Variants in ITGA1 observed in about 807,000 individuals in gnomAD.
The protein encoded by ITGA1 is integrin subunit alpha 1, also known as integrin alpha-1.
Under a neutral mutation model 145.9 loss-of-function variants are expected in ITGA1, and 85 were observed. The ratio of observed to expected loss-of-function variants is 0.58; its 90% CI spans 0.49 to 0.70. ITGA1 has a LOEUF of 0.70. ITGA1 is among the 30% of genes least tolerant of loss of function. ITGA1 has a pLI of 0.00. For missense variants in ITGA1, 1,351 were observed against 1,418.7 expected (o/e 0.95, Z 0.77); for synonymous variants, 520 against 495.3 (o/e 1.05, Z -0.66).
intron 3 of ITGA1, among the ~76,000 whole-genome samples, chr5:52,862,533 T>C (rs1749623893): frequency 6.6e-6 from 1 of 152,208 alleles, no homozygotes; most frequent in African/African-American, 2.4e-5. Context: ...TTCAGAATTC[T>C]TTCTAATTCA....
intron 28 of ITGA1, among the ~76,000 whole-genome samples, chr5:52,951,131 C>T (rs976757079): frequency 6.6e-6 from 1 of 152,080 alleles, no homozygotes; most frequent in African/African-American, 2.4e-5. Context: ...GGTTTATCCC[C>T]TCTAAGCCCT....
intron 1 of ITGA1, among the ~76,000 whole-genome samples, chr5:52,791,737 C>T (rs1040703898): frequency 1.7e-5 from 1 of 60,282 alleles, no homozygotes; most frequent in African/African-American, 6.0e-5. Flanking sequence ...GTTCTTTTTT[C>T]ACTCCCTCAG....
chr5:52,887,818 G>C lies in ITGA1; in HGVS notation c.777G>C (p.Lys259Asn), dbSNP rs1750078271. The change falls in exon 8 of 29, where the codon AAG (lysine) becomes AAC (asparagine). Residue 259 changes from lysine (K) to asparagine (N), a missense_variant. Transcript: ENST00000282588. Reference sequence around the variant, plus strand: ...CTTTTGTTTGTGATTACTTTAGAAAGGAGGCATTCACGGAAGCCCGGGGTG... The same window carrying C: ...CTTTTGTTTGTGATTACTTTAGAAACGAGGCATTCACGGAAGCCCGGGGTG... ...MTALGIDTAR[K>N]EAFTEARGAR... is the part of the protein sequence containing the mutation. The C allele has an allele frequency of 6.2e-7, 1 of 1,611,128 alleles. No individual in the cohort carries two copies. The highest frequency in any genetic ancestry group is 8.5e-7 in the Non-Finnish European group (1 of 1,178,162).
intron 21 of ITGA1, among the ~76,000 whole-genome samples, chr5:52,930,778 A>T (rs907945283): frequency 6.6e-6 from 1 of 152,196 alleles, no homozygotes; most frequent in African/African-American, 2.4e-5. Context: ...TAAAGAATAC[A>T]TAAAGTAGCA....
Position 52,887,898 on chromosome 5 carries a change from A to G in ITGA1, c.857A>G (p.Asp286Gly), listed in dbSNP as rs774093459. 6.2e-7 allele frequency: 1 copy of G among 1,614,130 alleles called. No individual in the cohort carries two copies. The highest frequency in any genetic ancestry group is 8.5e-7 in the Non-Finnish European group (1 of 1,179,960). Residue 286 changes from aspartate (D) to glycine (G), a missense_variant, in exon 8 of 29, where the codon GAC becomes GGC. Transcript: ENST00000282588. Reference protein sequence around the residue: ...MVIVTDGESHDNHRLKKVIQD... With the variant: ...MVIVTDGESHGNHRLKKVIQD... The stretch of plus-strand genomic sequence containing the variant: ...ATTGTGACAGATGGAGAGTCTCATG[A>G]CAATCATCGACTGAAGAAGGTCATC...
chr5:52,844,348 C>T (rs1323164685), intron 1 of ITGA1, among the ~76,000 whole-genome samples: 1 of 152,196 alleles, frequency 6.6e-6, no homozygotes, highest in Non-Finnish European at 1.5e-5. Context: ...CCAAATTTGC[C>T]TCTCAGGAGA....
At chr5:52,858,466 G>A (rs543396463) in intron 2 of ITGA1, among the ~76,000 whole-genome samples, 1 of 152,226 alleles carries the variant, frequency 6.6e-6, no homozygotes, top group Admixed American at 6.5e-5. Context: ...TAAGTTATAA[G>A]CAAACTAAAA....
At chr5:52,900,915 T>A (rs190427067) in intron 11 of ITGA1, among the ~76,000 whole-genome samples, 87 of 152,220 alleles carry the variant, frequency 5.7e-4, no homozygotes, top group African/African-American at 1.9e-3. Context: ...TGTATTTTTT[T>A]ATTGTGTAAT....
intron 1 of ITGA1, among the ~76,000 whole-genome samples, chr5:52,798,852 G>A (rs1190417195): frequency 6.6e-6 from 1 of 152,144 alleles, no homozygotes; most frequent in Non-Finnish European, 1.5e-5. Flanking sequence ...GAATTTCCTT[G>A]TGGGCAAAAT....
At chr5:52,920,273 C>A (rs888522114) in intron 16 of ITGA1, 59 bp from the exon 17 acceptor site, 3 of 1,318,064 alleles carry the variant, frequency 2.3e-6, no homozygotes, top group African/African-American at 1.5e-5. Flanking sequence ...ATAATCTGTA[C>A]AATATGAGAA....
At chr5:52,807,311 C>T (rs773678278) in intron 1 of ITGA1, among the ~76,000 whole-genome samples, 33 of 149,572 alleles carry the variant, frequency 2.2e-4, no homozygotes, top group South Asian at 6.2e-4. Flanking sequence ...ACAAAAGTAA[C>T]TGTGTGCTTA....
chr5:52,937,518 A>T lies in ITGA1; in HGVS notation c.3078+4A>T. On this transcript the variant is annotated splice_donor_region_variant and intron_variant, in intron 24 of 28. Coordinates refer to ENST00000282588, the MANE Select transcript of ITGA1 (RefSeq NM_181501.2). The stretch of plus-strand genomic sequence containing the variant: ...AACTGGATTGTCATCTTCTGAGGTA[A>T]GTCATGTGTGCCTTGGAATTATGTC... 6.5e-7 allele frequency: 1 copy of T among 1,531,630 alleles called. No individual in the cohort carries two copies. The highest frequency in any genetic ancestry group is 1.1e-5 in the South Asian group (1 of 88,982). 94.9% of individuals were successfully genotyped at this position (1,531,630 alleles called of 1,614,324 possible).
At chr5:52,824,250 A>G (rs953242048) in intron 1 of ITGA1, 14 of 150,614 alleles carry the variant, frequency 9.3e-5, no homozygotes, top group African/African-American at 3.4e-4. Flanking sequence ...TTTGTCTCCC[A>G]TTAATGATAA....
intron 18 of ITGA1, among the ~76,000 whole-genome samples, chr5:52,924,374 T>C (rs1184787966): frequency 6.6e-6 from 1 of 151,980 alleles, no homozygotes; most frequent in Non-Finnish European, 1.5e-5. Context: ...TTCCACCCTA[T>C]TTAGGGGAGT....
rs1260644152 is a variant in ITGA1 at position 52,957,543 on chromosome 5, G to C, written c.*5092G>C. The C allele has an allele frequency of 6.6e-6, 1 of 152,124 alleles. No individual in the cohort carries two copies. The highest frequency in any genetic ancestry group is 1.5e-5 in the Non-Finnish European group (1 of 68,042). 9.4% of individuals were successfully genotyped at this position (152,124 alleles called of 1,614,324 possible). A position where few individuals can be genotyped will look rare whatever the true frequency, so the allele number is the denominator to read the frequency against. ...CCCTAGCATTTTCCTCCTCCCACAG[G>C]CTGGAGAATTTCAGTGCTATGAGAC... On this transcript the variant is annotated 3_prime_UTR_variant, in exon 29 of 29. Coordinates refer to ENST00000282588, the MANE Select transcript of ITGA1 (RefSeq NM_181501.2).
chr5:52,877,631 A>C (rs1749887952), intron 6 of ITGA1, among the ~76,000 whole-genome samples: 1 of 152,242 alleles, frequency 6.6e-6, no homozygotes, highest in Admixed American at 6.5e-5. Flanking sequence ...AAGTATGAAT[A>C]TAACTGCAAA....
At position 52,900,230 on chromosome 5, in the gene ITGA1, T is replaced by C. The variant is rs1301079772; in HGVS notation, c.1309+1847T>C. Among the ~76,000 whole-genome samples, 3 of 152,170 alleles carry C rather than the reference T, an allele frequency of 2.0e-5. No individual in the cohort carries two copies. The East Asian group carries it at 5.8e-4, about 29-fold the overall frequency. On this transcript the variant is annotated intron_variant, in intron 11 of 28. Transcript: ENST00000282588. ...GTTCTATGAGACTGTTTATGTGAAA[T>C]ACCTTGGAATCAAGAACCAGCTTAA...
chr5:52,828,034 T>A (rs1408092905), intron 1 of ITGA1, among the ~76,000 whole-genome samples: 16 of 152,220 alleles, frequency 1.1e-4, no homozygotes, highest in Non-Finnish European at 1.5e-5. Flanking sequence ...CCACATTTCA[T>A]GTATCTATTT....
Position 52,927,603 on chromosome 5 carries a change from G to A in ITGA1, c.2633G>A (p.Cys878Tyr), listed in dbSNP as rs199770577. Reference protein sequence around the residue: ...SGIEAIQKDSCESNHNITCKV... With the variant: ...SGIEAIQKDSYESNHNITCKV... ...TCCTAGGCTATCCAAAAAGACAGTT[G>A]TGAATCTAATCATAATATCACATGT... The change falls in exon 20 of 29, where the codon TGT becomes TAT. Residue 878 changes from cysteine to tyrosine, a missense_variant. Coordinates refer to ENST00000282588, the MANE Select transcript of ITGA1 (RefSeq NM_181501.2). 3.0e-5 allele frequency: 48 copies of A among 1,610,654 alleles called. No homozygotes were observed. Among genetic ancestry groups the A allele is most frequent in the Non-Finnish European group, 3.7e-5 (44 of 1,177,692 alleles).
Sources: allele counts gnomAD v4.1 joint callset (sites outside exome capture counted in the v4.1 genomes callset), GRCh38; gene constraint gnomAD v4.1.1; transcripts MANE v1.5; gene names NCBI Gene and HGNC (gene_info 2026-07-23, HGNC 2026-07-21).